SEL1L2: variants seen among roughly 807,000 people sequenced by gnomAD.
SEL1L2 encodes the protein SEL1L2 adaptor subunit of SYVN1 ubiquitin ligase, also known as protein sel-1 homolog 2.
Under a neutral mutation model 98.8 loss-of-function variants are expected in SEL1L2, and 89 were observed. That is an observed-to-expected ratio of 0.90 (90% CI 0.76 to 1.07). The LOEUF is 1.07. Ranked by LOEUF, SEL1L2 falls within the 50% of genes least tolerant of loss-of-function variation. SEL1L2 has a pLI of 0.00. For synonymous variants in SEL1L2, 262 were observed against 278.5 expected, an observed-to-expected ratio of 0.94 and a Z score of 0.59; for missense variants, 788 against 812.0, an observed-to-expected ratio of 0.97 and a Z score of 0.36.
intron 1 of SEL1L2, among the ~76,000 whole-genome samples, chr20:13,974,940 T>C (rs1376567086): frequency 6.6e-6 from 1 of 152,204 alleles, no homozygotes; most frequent in African/African-American, 2.4e-5. Context: ...TAATGTTTTC[T>C]TGTTTTTTTC....
chr20:13,990,628 G>C, upstream of SEL1L2: 1 of 933,982 alleles, frequency 1.1e-6, no homozygotes, highest in Admixed American at 2.2e-5. Context: ...GTGGGGGCAG[G>C]AGTCAGTTGC....
chr20:13,861,278 C>T (rs1990093624), intron 17 of SEL1L2, among the ~76,000 whole-genome samples: 1 of 151,916 alleles, frequency 6.6e-6, no homozygotes, highest in African/African-American at 2.4e-5. Context: ...CAAGCTCAAG[C>T]GATCATCCTA....
chr20:13,889,737 A>C (rs1482646066), intron 5 of SEL1L2, among the ~76,000 whole-genome samples: 1 of 152,094 alleles, frequency 6.6e-6, no homozygotes, highest in Non-Finnish European at 1.5e-5. Flanking sequence ...CTTGCAGTGC[A>C]CCAAGATCGC....
At chr20:13,899,012 G>A (rs955000689) in intron 5 of SEL1L2, among the ~76,000 whole-genome samples, 4 of 152,102 alleles carry the variant, frequency 2.6e-5, no homozygotes, top group African/African-American at 9.7e-5. Flanking sequence ...AAAGTGCTGG[G>A]ATTACAGGCA....
chr20:13,868,462 T>G (rs1012971092), intron 14 of SEL1L2, among the ~76,000 whole-genome samples: 1 of 152,154 alleles, frequency 6.6e-6, no homozygotes, highest in Non-Finnish European at 1.5e-5. Context: ...TTTAAGGGCA[T>G]GCTGCTTGCA....
At chr20:13,894,561 C>T (rs74678640) in intron 5 of SEL1L2, among the ~76,000 whole-genome samples, 1,802 of 151,308 alleles carry the variant, frequency 0.012, 40 homozygotes, top group African/African-American at 0.041. Flanking sequence ...CTTCGGTTCA[C>T]AAATCAAAAC....
At chr20:13,860,781 A>T (rs569360624) in intron 17 of SEL1L2, among the ~76,000 whole-genome samples, 2 of 151,766 alleles carry the variant, frequency 1.3e-5, no homozygotes, top group African/African-American at 4.8e-5. Flanking sequence ...TTCTAAATTT[A>T]TATCTACTAT....
At chr20:13,873,603 G>A (rs537689922) in intron 12 of SEL1L2, among the ~76,000 whole-genome samples, 2 of 151,264 alleles carry the variant, frequency 1.3e-5, no homozygotes, top group African/African-American at 2.4e-5. Context: ...CTGGTGATCC[G>A]CCTGCCTCAG....
chr20:13,909,400 G>A (rs1254487738), intron 5 of SEL1L2, among the ~76,000 whole-genome samples: 1 of 152,196 alleles, frequency 6.6e-6, no homozygotes, highest in Non-Finnish European at 1.5e-5. Flanking sequence ...CCAACTGCAA[G>A]GGGACTTGCT....
intron 5 of SEL1L2, among the ~76,000 whole-genome samples, chr20:13,891,828 G>C (rs186870905): frequency 5.5e-4 from 84 of 152,202 alleles, no homozygotes; most frequent in African/African-American, 1.9e-3. Flanking sequence ...AATTGCTAAA[G>C]GAAGTCCTAT....
At chr20:13,917,959 C>T (rs1007177100) in intron 4 of SEL1L2, among the ~76,000 whole-genome samples, 3 of 151,772 alleles carry the variant, frequency 2.0e-5, no homozygotes, top group African/African-American at 7.3e-5. Context: ...GCCATCATGT[C>T]TGGCTAATTT....
chr20:13,933,421 T>C (rs1320639194), intron 2 of SEL1L2, among the ~76,000 whole-genome samples: 1 of 151,820 alleles, frequency 6.6e-6, no homozygotes, highest in Non-Finnish European at 1.5e-5. Context: ...TTCCCTGTAC[T>C]CCCATCCTCC....
At chr20:13,956,875 TGTAAA>T in intron 1 of SEL1L2, among the ~76,000 whole-genome samples, 1 of 152,280 alleles carries the variant, frequency 6.6e-6, no homozygotes, top group Admixed American at 6.5e-5. Flanking sequence ...TTTCAATTGC[TGTAAA>T]CAAACAAATC....
At chr20:13,866,191 A>C (rs1358688675) in intron 15 of SEL1L2, among the ~76,000 whole-genome samples, 1 of 152,186 alleles carries the variant, frequency 6.6e-6, no homozygotes, top group Non-Finnish European at 1.5e-5. Context: ...CGTGTTTAAT[A>C]AATCAATGAA....
chr20:13,940,487 G>C (rs1321422485), intron 2 of SEL1L2, among the ~76,000 whole-genome samples: 2 of 152,170 alleles, frequency 1.3e-5, no homozygotes, highest in African/African-American at 4.8e-5. Context: ...AGAAGTAGGG[G>C]GGTGATATCA....
intron 5 of SEL1L2, among the ~76,000 whole-genome samples, chr20:13,896,619 G>C (rs766979852): frequency 2.7e-5 from 4 of 148,506 alleles, no homozygotes; most frequent in Non-Finnish European, 4.4e-5. Flanking sequence ...GAATAATTAA[G>C]AAAAAAATCC....
rs376786244 is a variant in SEL1L2 at position 13,866,705 on chromosome 20, C to A, written c.1401G>T (p.Val467=). ...AACAGCCGCATATTATATTTACCTCCACAGCAGTTCTGCATGATCTTACTA... is the reference window on the plus strand; with the variant it reads ...AACAGCCGCATATTATATTTACCTCAACAGCAGTTCTGCATGATCTTACTA... The part of the protein sequence containing the change: ...TGVVRSCRTA[V]ELYKGVCELG... The change falls in exon 15 of 20, where the codon GTG becomes GTT. Residue 467 remains valine, a synonymous_variant. Transcript: ENST00000284951. The A allele has an allele frequency of 1.7e-5, 27 of 1,574,664 alleles. No homozygotes were observed. The highest frequency in any genetic ancestry group is 1.7e-6 in the Non-Finnish European group (2 of 1,164,890).
At chr20:13,977,861 A>G (rs1318962118) in intron 1 of SEL1L2, among the ~76,000 whole-genome samples, 2 of 152,340 alleles carry the variant, frequency 1.3e-5, no homozygotes, top group East Asian at 3.9e-4. Flanking sequence ...TCAAGGAGGC[A>G]TAAATAAATA....
intron 2 of SEL1L2, among the ~76,000 whole-genome samples, chr20:13,938,917 C>T (rs1459236472): frequency 2.6e-5 from 4 of 151,842 alleles, no homozygotes; most frequent in Non-Finnish European, 5.9e-5. Flanking sequence ...GAATCTGGGA[C>T]CTCTGGCTAT....
Sources: gnomAD v4.1 joint callset for allele counts (sites outside exome capture counted in the v4.1 genomes callset) on GRCh38, gnomAD v4.1.1 for gene constraint, MANE v1.5 for transcripts, NCBI Gene and HGNC (gene_info 2026-07-23, HGNC 2026-07-21) for gene names.